RHBDD1: variants seen among roughly 807,000 people sequenced by gnomAD.
RHBDD1 encodes rhomboid domain containing 1, also known as rhomboid-related protein 4.
Under a neutral mutation model 36.3 loss-of-function variants are expected in RHBDD1, and 38 were observed. The observed-to-expected ratio is 1.05, with a 90% CI of 0.81 to 1.37. The LOEUF is 1.37. Among genes scored for constraint, RHBDD1 ranks in the 40% most tolerant of loss-of-function variants. The probability of loss-of-function intolerance (pLI) is 0.00; values close to 1 mark genes in which losing one functional copy is unlikely to be tolerated. For missense variants in RHBDD1, 393 were observed against 377.6 expected, an observed-to-expected ratio of 1.04 and a Z score of -0.34; for synonymous variants, 151 against 136.5, an observed-to-expected ratio of 1.11 and a Z score of -0.74.
rs1017505190 is a variant in RHBDD1, at chr2:226,999,002, T to C, written c.*3480T>C. On this transcript the variant is annotated 3_prime_UTR_variant, in exon 9 of 9. Transcript: ENST00000392062. ...CCTCCTCATCCAGCCCCCATCTGAA[T>C]CCTGTAACAGACACAACCACATCTA... is the stretch of plus-strand genomic sequence containing the variant. 1 of 150,704 alleles carries C rather than the reference T, an allele frequency of 6.6e-6. No homozygotes were observed. Among genetic ancestry groups the C allele is most frequent in the Non-Finnish European group, 1.5e-5 (1 of 67,550 alleles). 9.3% of individuals were successfully genotyped at this position (150,704 alleles called of 1,614,324 possible).
intron 5 of RHBDD1, among the ~76,000 whole-genome samples, chr2:226,877,823 T>C (rs980342589): frequency 3.3e-5 from 5 of 152,230 alleles, no homozygotes; most frequent in African/African-American, 9.6e-5. Context: ...GTCAAAGATA[T>C]TCCTAAACAC....
At chr2:226,884,515 T>G (rs1559230709) in intron 5 of RHBDD1, among the ~76,000 whole-genome samples, 1 of 152,146 alleles carries the variant, frequency 6.6e-6, no homozygotes, top group Non-Finnish European at 1.5e-5. Context: ...GGAGAGCATT[T>G]TAATTTTGTA....
rs946411440 is a variant in RHBDD1, at chr2:226,998,332, T to C, written c.*2810T>C. On this transcript the variant is annotated 3_prime_UTR_variant, in exon 9 of 9. Coordinates refer to ENST00000392062, the MANE Select transcript of RHBDD1 (RefSeq NM_001167608.3). ...TCCTGTCTATCTATTTGGCACATGT[T>C]CTGCTGCCTGGGGAGTAAGCAAGCT... 3 of 152,194 alleles carry C rather than the reference T, an allele frequency of 2.0e-5. No individual in the cohort carries two copies. Among genetic ancestry groups the C allele is most frequent in the African/African-American group, 7.2e-5 (3 of 41,436 alleles). The allele number at this position is 152,194 out of a possible 1,614,324, so 9.4% of individuals were successfully genotyped here.
At chr2:226,881,857 C>T (rs1335836445) in intron 5 of RHBDD1, among the ~76,000 whole-genome samples, 1 of 152,112 alleles carries the variant, frequency 6.6e-6, no homozygotes, top group Non-Finnish European at 1.5e-5. Context: ...TCCTTTTTAG[C>T]CAGTTCTATT....
At chr2:226,880,288 G>C (rs559767950) in intron 5 of RHBDD1, among the ~76,000 whole-genome samples, 17 of 152,224 alleles carry the variant, frequency 1.1e-4, no homozygotes, top group African/African-American at 3.6e-4. Context: ...TGAAGTAGGG[G>C]ACATTTTTCT....
chr2:226,916,502 C>A (rs1948919694), intron 8 of RHBDD1, among the ~76,000 whole-genome samples: 1 of 152,088 alleles, frequency 6.6e-6, no homozygotes, highest in Non-Finnish European at 1.5e-5. Context: ...AACTTCTCAG[C>A]GTGGACTTCA....
rs567617197 is a variant in RHBDD1 at position 226,894,989 on chromosome 2, G to A, written c.567-11804G>A. On this transcript the variant is annotated intron_variant, in intron 5 of 8. Coordinates refer to ENST00000392062, the MANE Select transcript of RHBDD1 (RefSeq NM_001167608.3). ...AAGTCCTGAAGGGTGGATGCTTAGC[G>A]TTGGTGAGTGGCTAGAGCCCAGGGT... 1.2e-4 allele frequency among the ~76,000 whole-genome samples: 19 copies of A among 152,330 alleles called. No individual in the cohort carries two copies. In the South Asian group the frequency reaches 2.3e-3, roughly 18 times the overall value.
intron 3 of RHBDD1, among the ~76,000 whole-genome samples, chr2:226,840,162 G>C (rs1282393003): frequency 1.3e-5 from 2 of 152,142 alleles, no homozygotes; most frequent in African/African-American, 4.8e-5. Context: ...GCTTGGGGGA[G>C]GGGGAGTTAC....
intron 5 of RHBDD1, among the ~76,000 whole-genome samples, chr2:226,879,072 C>CAAAAAAA: frequency 1.2e-5 from 1 of 84,086 alleles, no homozygotes; most frequent in Non-Finnish European, 2.7e-5. Context: ...ACTGGCATTC[C>CAAAAAAA]AAAAAAAAAA....
At chr2:226,855,801 G>A (rs1249744415) in intron 3 of RHBDD1, among the ~76,000 whole-genome samples, 3 of 152,128 alleles carry the variant, frequency 2.0e-5, no homozygotes, top group East Asian at 1.9e-4. Context: ...TCATAAAGAC[G>A]AGATTCCCAT....
intron 8 of RHBDD1, among the ~76,000 whole-genome samples, chr2:226,972,260 A>G (rs1953675762): frequency 6.6e-6 from 1 of 152,252 alleles, no homozygotes; most frequent in African/African-American, 2.4e-5. Flanking sequence ...ACATGATCTC[A>G]TTCTTTTGTA....
chr2:226,873,451 G>A (rs922925279), intron 5 of RHBDD1, among the ~76,000 whole-genome samples: 16 of 152,188 alleles, frequency 1.1e-4, no homozygotes, highest in Non-Finnish European at 1.8e-4. Context: ...AAGTATAAAA[G>A]AAATATGACC....
intron 5 of RHBDD1, chr2:226,895,778 G>C: frequency 1.1e-5 from 11 of 985,384 alleles, no homozygotes; most frequent in Non-Finnish European, 1.3e-5. Context: ...CCAAATGGAG[G>C]AAGGTGTTCT....
In RHBDD1 at chr2:226,917,026, G is replaced by A. The variant is rs11884016; in HGVS notation, c.856+2675G>A. Among the ~76,000 whole-genome samples, 319 of 152,224 alleles carry A rather than the reference G, an allele frequency of 2.1e-3. 8 individuals carry two copies. The East Asian group carries it at 0.054, about 26-fold the overall frequency. Reference sequence around the variant, plus strand: ...AGACTTGAATCTAGGTACAAAGGAAGGGCTTACATTTTGGGAATCAGAAGA... The same window carrying A: ...AGACTTGAATCTAGGTACAAAGGAAAGGCTTACATTTTGGGAATCAGAAGA... On this transcript the variant is annotated intron_variant, in intron 8 of 8. Coordinates refer to ENST00000392062, the MANE Select transcript of RHBDD1 (RefSeq NM_001167608.3).
intron 8 of RHBDD1, among the ~76,000 whole-genome samples, chr2:226,948,366 A>G (rs918844443): frequency 4.3e-5 from 6 of 139,880 alleles, no homozygotes; most frequent in East Asian, 4.5e-4. Flanking sequence ...GAATTGAACA[A>G]TGAGATCACA....
Position 226,867,246 on chromosome 2 carries a change from T to A in RHBDD1, c.494T>A (p.Ile165Asn). Residue 165 changes from isoleucine to asparagine, a missense_variant, in exon 5 of 9, where the codon ATT becomes AAT. Ile to Asn is a moderately radical substitution (Grantham distance 149). Coordinates refer to ENST00000392062, the MANE Select transcript of RHBDD1 (RefSeq NM_001167608.3). Reference protein sequence around the residue: ...NHYCPGGFVNILGFPVPNRFA... With the variant: ...NHYCPGGFVNNLGFPVPNRFA... ...TATTGCCCTGGAGGCTTTGTCAACA[T>A]TTTGGGCTTTCCTGTACCGAACAGA... 1 of 1,613,742 alleles carries A rather than the reference T, an allele frequency of 6.2e-7. No homozygotes were observed. The highest frequency in any genetic ancestry group is 1.1e-5 in the South Asian group (1 of 90,984).
intron 8 of RHBDD1, among the ~76,000 whole-genome samples, chr2:226,930,731 T>G (rs1256398224): frequency 6.6e-6 from 1 of 151,800 alleles, no homozygotes; most frequent in Non-Finnish European, 1.5e-5. Flanking sequence ...TATTTGCAAA[T>G]TATGTATCTG....
chr2:226,893,394 T>G (rs566185229), intron 5 of RHBDD1, among the ~76,000 whole-genome samples: 2 of 152,348 alleles, frequency 1.3e-5, no homozygotes, highest in East Asian at 3.9e-4. Context: ...AGAGCATTTT[T>G]CATGTGCCAA....
chr2:226,894,562 C>A (rs561952069), intron 5 of RHBDD1, among the ~76,000 whole-genome samples: 1 of 152,326 alleles, frequency 6.6e-6, no homozygotes, highest in South Asian at 2.1e-4. Context: ...TGAGCCACTG[C>A]ACCCAGCCTA....
Sources: gnomAD v4.1 joint callset for allele counts (sites outside exome capture counted in the v4.1 genomes callset) on GRCh38, gnomAD v4.1.1 for gene constraint, MANE v1.5 for transcripts, NCBI Gene and HGNC (gene_info 2026-07-23, HGNC 2026-07-21) for gene names.